Variants in ATP6V1H observed in about 807,000 individuals in gnomAD.
ATP6V1H encodes V-type proton ATPase subunit H.
Under a neutral mutation model 71.7 loss-of-function variants are expected in ATP6V1H, and 39 were observed. The ratio of observed to expected loss-of-function variants is 0.54; its 90% CI spans 0.42 to 0.71. The LOEUF (loss-of-function observed/expected upper bound fraction) is 0.71, where lower values mean the gene tolerates loss of function less well. Ranked by LOEUF, ATP6V1H falls within the 30% of genes least tolerant of loss-of-function variation. The pLI is 0.00. For synonymous variants in ATP6V1H, 192 were observed against 199.3 expected, an observed-to-expected ratio of 0.96 and a Z score of 0.31; for missense variants, 509 against 594.9, an observed-to-expected ratio of 0.86 and a Z score of 1.50.
At chr8:53,842,871 C>T (rs1811389299) in intron 1 of ATP6V1H, 163 bp downstream of exon 1, 1 of 152,456 alleles carries the variant, frequency 6.6e-6, no homozygotes, top group Non-Finnish European at 1.5e-5. Context: ...CTTAATAAAC[C>T]TGGTTGAGGC....
chr8:53,779,893 T>C (rs1371240770), intron 9 of ATP6V1H, among the ~76,000 whole-genome samples: 3 of 152,214 alleles, frequency 2.0e-5, no homozygotes, highest in Non-Finnish European at 2.9e-5. Flanking sequence ...ACTTGATGGC[T>C]CACACCTATA....
intron 12 of ATP6V1H, among the ~76,000 whole-genome samples, chr8:53,752,333 T>C (rs1002667789): frequency 6.6e-6 from 1 of 152,212 alleles, no homozygotes; most frequent in South Asian, 2.1e-4. Flanking sequence ...GGCAACACTC[T>C]ATTTTCTTGC....
chr8:53,742,939 C>G (rs1014459212), intron 13 of ATP6V1H, among the ~76,000 whole-genome samples: 2 of 152,222 alleles, frequency 1.3e-5, no homozygotes, highest in Non-Finnish European at 2.9e-5. Context: ...ACCCAACCTA[C>G]AGCTAAAAGC....
intron 13 of ATP6V1H, among the ~76,000 whole-genome samples, chr8:53,727,276 T>A (rs1806845582): frequency 6.6e-6 from 1 of 152,216 alleles, no homozygotes; most frequent in Non-Finnish European, 1.5e-5. Flanking sequence ...CCTCTCGGCT[T>A]ATTTTACACT....
chr8:53,736,695 T>A (rs1433187203), intron 13 of ATP6V1H, among the ~76,000 whole-genome samples: 1 of 152,214 alleles, frequency 6.6e-6, no homozygotes, highest in Admixed American at 6.5e-5. Context: ...TCATTATCCA[T>A]CTGTCTTGCA....
intron 9 of ATP6V1H, among the ~76,000 whole-genome samples, chr8:53,776,678 A>G (rs899266355): frequency 9.2e-5 from 14 of 152,222 alleles, no homozygotes; most frequent in Admixed American, 2.0e-4. Context: ...TAATAAGCCT[A>G]TGAAGAAACA....
intron 4 of ATP6V1H, among the ~76,000 whole-genome samples, chr8:53,827,107 C>A (rs976542575): frequency 2.5e-4 from 38 of 152,060 alleles, no homozygotes; most frequent in African/African-American, 9.2e-4. Context: ...GCAGGCTGGG[C>A]ATGGTGGCTC....
intron 9 of ATP6V1H, 99 bp from the exon 10 acceptor site, chr8:53,772,266 T>G (rs1808689391): frequency 5.3e-6 from 5 of 946,368 alleles, no homozygotes; most frequent in Non-Finnish European, 7.7e-6. Flanking sequence ...CCTCCTCCTA[T>G]TCTCAAGTTT....
At chr8:53,752,135 T>C (rs962275527) in intron 12 of ATP6V1H, among the ~76,000 whole-genome samples, 1 of 152,230 alleles carries the variant, frequency 6.6e-6, no homozygotes, top group Non-Finnish European at 1.5e-5. Flanking sequence ...AATGGATCTA[T>C]CACAAAGCAT....
intron 11 of ATP6V1H, among the ~76,000 whole-genome samples, chr8:53,765,439 G>GCCA (rs1808418429): frequency 1.2e-5 from 1 of 81,638 alleles, no homozygotes; most frequent in African/African-American, 3.6e-5. Context: ...GAGGGTGGTG[G>GCCA]ACAACAACAA....
intron 9 of ATP6V1H, among the ~76,000 whole-genome samples, chr8:53,781,469 A>C (rs536346359): frequency 1.2e-4 from 18 of 152,264 alleles, no homozygotes; most frequent in African/African-American, 4.3e-4. Flanking sequence ...GGTTGCAAAA[A>C]TGTTCTCCCA....
intron 13 of ATP6V1H, among the ~76,000 whole-genome samples, chr8:53,721,351 T>C (rs1459680427): frequency 6.6e-6 from 1 of 152,228 alleles, no homozygotes; most frequent in African/African-American, 2.4e-5. Flanking sequence ...CATCTGTATC[T>C]AATTTACAAA....
At chr8:53,734,159 A>G (rs1807119791) in intron 13 of ATP6V1H, among the ~76,000 whole-genome samples, 1 of 152,214 alleles carries the variant, frequency 6.6e-6, no homozygotes, top group African/African-American at 2.4e-5. Context: ...ACCAAGTACA[A>G]AGGCTTGCTC....
intron 7 of ATP6V1H, among the ~76,000 whole-genome samples, chr8:53,802,110 ACAAGT>A (rs1425282290): frequency 1.3e-5 from 2 of 152,230 alleles, no homozygotes; most frequent in African/African-American, 4.8e-5. Flanking sequence ...TTAAATCTAC[ACAAGT>A]CAAGACTACT....
chr8:53,743,347 G>A (rs752037141), intron 13 of ATP6V1H, among the ~76,000 whole-genome samples: 5 of 152,130 alleles, frequency 3.3e-5, no homozygotes, highest in East Asian at 3.8e-4. Context: ...TTCTGGAGTC[G>A]TTTTTGAAAT....
At chr8:53,745,500 G>A (rs1807841415) in intron 12 of ATP6V1H, among the ~76,000 whole-genome samples, 1 of 152,142 alleles carries the variant, frequency 6.6e-6, no homozygotes, top group African/African-American at 2.4e-5. Flanking sequence ...GCTTCACAGA[G>A]CACGGTCACA....
At chr8:53,817,607 A>C in intron 4 of ATP6V1H, 77 bp from the exon 5 acceptor site, 37 of 839,374 alleles carry the variant, frequency 4.4e-5, no homozygotes, top group East Asian at 5.4e-5. Context: ...ACCACTTCTC[A>C]ACCTCCCATC....
At chr8:53,720,648 T>C (rs1272250380) in intron 13 of ATP6V1H, among the ~76,000 whole-genome samples, 1 of 152,258 alleles carries the variant, frequency 6.6e-6, no homozygotes, top group Non-Finnish European at 1.5e-5. Context: ...ACACTGACTA[T>C]AATAGTGTTT....
chr8:53,742,138 C>T (rs1807434123), intron 13 of ATP6V1H, among the ~76,000 whole-genome samples: 1 of 152,200 alleles, frequency 6.6e-6, no homozygotes, highest in South Asian at 2.1e-4. Flanking sequence ...CTCTCCTGAA[C>T]CATGTTTTTC....
Sources: allele counts gnomAD v4.1 joint callset (sites outside exome capture counted in the v4.1 genomes callset), GRCh38; gene constraint gnomAD v4.1.1; transcripts MANE v1.5; gene names NCBI Gene and HGNC (gene_info 2026-07-23, HGNC 2026-07-21).